SLC14A2: variants seen among roughly 807,000 people sequenced by gnomAD.
SLC14A2 encodes urea transporter 2.
Under a neutral mutation model 104.6 loss-of-function variants are expected in SLC14A2, and 91 were observed. The observed-to-expected ratio is 0.87, with a 90% confidence interval of 0.73 to 1.04. The LOEUF (loss-of-function observed/expected upper bound fraction) is 1.04. SLC14A2 is among the 50% of genes least tolerant of loss of function. SLC14A2 has a pLI of 0.00. For missense variants in SLC14A2, 1,189 were observed against 1,156.0 expected (o/e 1.03, Z -0.41); for synonymous variants, 476 against 466.4 (o/e 1.02, Z -0.27).
intron 1 of SLC14A2, among the ~76,000 whole-genome samples, chr18:45,450,319 C>T (rs1331308954): frequency 6.6e-6 from 1 of 152,182 alleles, no homozygotes; most frequent in Admixed American, 6.5e-5. Flanking sequence ...ATTTTCCCAT[C>T]CTTTTAGGCT....
chr18:45,309,284 C>T (rs1293994494), intron 1 of SLC14A2, among the ~76,000 whole-genome samples: 8 of 151,928 alleles, frequency 5.3e-5, no homozygotes, highest in Non-Finnish European at 7.4e-5. Flanking sequence ...CCCCTCCCAT[C>T]GGACTCCAGG....
At chr18:45,294,223 A>G (rs1181469495) in intron 1 of SLC14A2, among the ~76,000 whole-genome samples, 1 of 152,142 alleles carries the variant, frequency 6.6e-6, no homozygotes, top group African/African-American at 2.4e-5. Context: ...GTGGGAATAT[A>G]TATATATAGA....
chr18:45,390,766 G>A (rs530933734), intron 1 of SLC14A2, among the ~76,000 whole-genome samples: 1 of 152,278 alleles, frequency 6.6e-6, no homozygotes, highest in South Asian at 2.1e-4. Flanking sequence ...GCACCAAGCT[G>A]CGCACCTTTC....
chr18:45,340,232 A>G (rs971207324), intron 1 of SLC14A2, among the ~76,000 whole-genome samples: 3 of 152,226 alleles, frequency 2.0e-5, no homozygotes, highest in South Asian at 2.1e-4. Flanking sequence ...ATTACATGAC[A>G]GGAAAAAAAT....
Position 45,669,474 on chromosome 18 carries a change from C to G in SLC14A2, c.2205C>G (p.Thr735=), listed in dbSNP as rs1038819979. ...CTGCATCCGCCATGCCCAACATCACCTGGTCAGAGGTCCAAGTGCCCTTGG... is the reference window on the plus strand; with the variant it reads ...CTGCATCCGCCATGCCCAACATCACGTGGTCAGAGGTCCAAGTGCCCTTGG... The part of the protein sequence containing the change: ...LQPASAMPNI[T]WSEVQVPLLL... Residue 735 remains threonine, a synonymous_variant, in exon 16 of 20, where the codon ACC becomes ACG. Transcript: ENST00000255226. 2 of 1,613,916 alleles carry G rather than the reference C, an allele frequency of 1.2e-6. No individual in the cohort carries two copies.
intron 8 of SLC14A2, among the ~76,000 whole-genome samples, chr18:45,641,572 A>G (rs2045529114): frequency 6.6e-6 from 1 of 152,222 alleles, no homozygotes; most frequent in Non-Finnish European, 1.5e-5. Flanking sequence ...AGTGTTGTAA[A>G]GTTTATAAGG....
chr18:45,479,507 C>T (rs2087451509), intron 1 of SLC14A2, among the ~76,000 whole-genome samples: 1 of 152,160 alleles, frequency 6.6e-6, no homozygotes, highest in Admixed American at 6.5e-5. Flanking sequence ...CTCCTGCCTA[C>T]TTTTTTCTCA....
chr18:45,419,464 C>CA (rs1462595709), intron 1 of SLC14A2, among the ~76,000 whole-genome samples: 2 of 152,266 alleles, frequency 1.3e-5, no homozygotes, highest in Non-Finnish European at 2.9e-5. Flanking sequence ...AGAAGCAGTT[C>CA]AAAATGAACT....
chr18:45,496,944 T>C (rs2043108849), intron 2 of SLC14A2, among the ~76,000 whole-genome samples: 1 of 152,170 alleles, frequency 6.6e-6, no homozygotes, highest in African/African-American at 2.4e-5. Flanking sequence ...TGCCAGAGGC[T>C]CTCAGGCCTT....
chr18:45,319,449 G>A (rs182696018), intron 1 of SLC14A2, among the ~76,000 whole-genome samples: 2 of 152,120 alleles, frequency 1.3e-5, no homozygotes, highest in Non-Finnish European at 2.9e-5. Flanking sequence ...CTGTACCCTC[G>A]CATTACACTA....
chr18:45,392,968 A>G (rs1434922772), intron 1 of SLC14A2, among the ~76,000 whole-genome samples: 2 of 152,206 alleles, frequency 1.3e-5, no homozygotes, highest in Admixed American at 1.3e-4. Context: ...GTTTAATGTC[A>G]GTTTTATCTG....
chr18:45,249,120 G>C (rs1037568736), intron 1 of SLC14A2, among the ~76,000 whole-genome samples: 1 of 152,184 alleles, frequency 6.6e-6, no homozygotes, highest in Non-Finnish European at 1.5e-5. Context: ...CTGTTCATGT[G>C]TGTAAGCAGC....
intron 1 of SLC14A2, among the ~76,000 whole-genome samples, chr18:45,378,724 A>T (rs2085801593): frequency 6.6e-6 from 1 of 152,254 alleles, no homozygotes; most frequent in South Asian, 2.1e-4. Flanking sequence ...CAGGTCCTGG[A>T]ACACATAAAT....
chr18:45,250,499 GT>G (rs1170005446), intron 1 of SLC14A2, among the ~76,000 whole-genome samples: 2 of 150,876 alleles, frequency 1.3e-5, no homozygotes, highest in East Asian at 1.9e-4. Flanking sequence ...TATGACTCTT[GT>G]TTTCTCTCTC....
intron 2 of SLC14A2, among the ~76,000 whole-genome samples, chr18:45,606,068 G>A (rs1030593623): frequency 2.0e-5 from 3 of 152,124 alleles, no homozygotes; most frequent in East Asian, 3.8e-4. Context: ...CCAGCTGGAG[G>A]CGGGGAGGTG....
At chr18:45,500,781 A>G (rs1464226505) in intron 2 of SLC14A2, among the ~76,000 whole-genome samples, 3 of 152,202 alleles carry the variant, frequency 2.0e-5, no homozygotes, top group Admixed American at 6.5e-5. Flanking sequence ...ACAGACCAGC[A>G]AAGTTAAAGT....
chr18:45,548,487 T>C (rs551139302), intron 2 of SLC14A2, among the ~76,000 whole-genome samples: 67 of 152,270 alleles, frequency 4.4e-4, no homozygotes, highest in African/African-American at 1.5e-3. Context: ...GTGGATTACT[T>C]GAGTGCACGA....
intron 10 of SLC14A2, among the ~76,000 whole-genome samples, chr18:45,658,088 G>C (rs766481517): frequency 6.6e-6 from 1 of 152,158 alleles, no homozygotes; most frequent in Non-Finnish European, 1.5e-5. Flanking sequence ...CAGTGGTTCT[G>C]GTATTGCAGC....
chr18:45,305,297 A>T (rs1357560939), intron 1 of SLC14A2, among the ~76,000 whole-genome samples: 1 of 152,186 alleles, frequency 6.6e-6, no homozygotes, highest in African/African-American at 2.4e-5. Flanking sequence ...TCAAACCAAT[A>T]CAACTGTTTA....
Sources: allele counts gnomAD v4.1 joint callset (sites outside exome capture counted in the v4.1 genomes callset), GRCh38; gene constraint gnomAD v4.1.1; transcripts MANE v1.5; gene names NCBI Gene and HGNC (gene_info 2026-07-23, HGNC 2026-07-21).